Variants in SMC6 observed in about 807,000 individuals in gnomAD.
SMC6 encodes structural maintenance of chromosomes protein 6.
Under a neutral mutation model 142.2 loss-of-function variants are expected in SMC6, and 79 were observed. The observed-to-expected ratio is 0.56, with a 90% CI of 0.46 to 0.67. The LOEUF (loss-of-function observed/expected upper bound fraction) is 0.67. SMC6 is among the 30% of genes least tolerant of loss of function. SMC6 has a pLI of 0.00. For missense variants in SMC6, 1,072 were observed against 1,284.0 expected (o/e 0.83, Z 2.52); for synonymous variants, 411 against 412.4 (o/e 1.00, Z 0.04).
At chr2:17,674,202 T>C (rs1163616608) in intron 25 of SMC6, among the ~76,000 whole-genome samples, 1 of 152,198 alleles carries the variant, frequency 6.6e-6, no homozygotes, top group African/African-American at 2.4e-5. Flanking sequence ...GAGCTATAAA[T>C]TCCCTTCTGA....
chr2:17,738,315 C>T lies in SMC6; in HGVS notation c.250G>A (p.Ala84Thr). Residue 84 changes from alanine (A) to threonine (T), a missense_variant, in exon 5 of 28, where the codon GCA (alanine) becomes ACA (threonine). Ala to Thr is a moderately conservative substitution (Grantham distance 58). Coordinates refer to ENST00000448223, the MANE Select transcript of SMC6 (RefSeq NM_001142286.2). Reference sequence around the variant, plus strand: ...CCGACTATGAGAGCTGTGAGTACTGCACTCTTCCCACCTAAAGAAACAGAT... The same window carrying T: ...CCGACTATGAGAGCTGTGAGTACTGTACTCTTCCCACCTAAAGAAACAGAT... ...VVGNNGSGKS[A>T]VLTALIVGLG... 1 of 1,610,764 alleles carries T rather than the reference C, an allele frequency of 6.2e-7. No homozygotes were observed. The highest frequency in any genetic ancestry group is 8.5e-7 in the Non-Finnish European group (1 of 1,178,438).
intron 4 of SMC6, among the ~76,000 whole-genome samples, chr2:17,739,282 G>C (rs538549810): frequency 6.6e-6 from 1 of 152,212 alleles, no homozygotes; most frequent in South Asian, 2.1e-4. Flanking sequence ...GCTGAGATGG[G>C]AGGCTCATCT....
At chr2:17,739,403 G>A (rs368341288) in intron 4 of SMC6, among the ~76,000 whole-genome samples, 2 of 152,102 alleles carry the variant, frequency 1.3e-5, no homozygotes, top group Admixed American at 6.5e-5. Flanking sequence ...ACAGCACTTC[G>A]GAAGGCCAAG....
chr2:17,673,816 A>G (rs1041346832), intron 25 of SMC6, among the ~76,000 whole-genome samples: 1 of 151,086 alleles, frequency 6.6e-6, no homozygotes, highest in Non-Finnish European at 1.5e-5. Context: ...TGATCCACCC[A>G]CCTCAGCCTC....
At chr2:17,745,541 T>C (rs1198856106) in intron 3 of SMC6, among the ~76,000 whole-genome samples, 1 of 152,168 alleles carries the variant, frequency 6.6e-6, no homozygotes, top group African/African-American at 2.4e-5. Context: ...ATAGCCCTTA[T>C]TTTATTCCCG....
chr2:17,738,327 C>A lies in SMC6; in HGVS notation c.239-1G>T. The A allele has an allele frequency of 6.3e-7, 1 of 1,597,104 alleles. No homozygotes were observed. The highest frequency in any genetic ancestry group is 8.5e-7 in the Non-Finnish European group (1 of 1,171,750). On this transcript the variant is annotated splice_acceptor_variant, in intron 4 of 27. Coordinates refer to ENST00000448223, the MANE Select transcript of SMC6 (RefSeq NM_001142286.2). LOFTEE classifies it high-confidence loss of function. ...GCTGTGAGTACTGCACTCTTCCCAC[C>A]TAAAGAAACAGATGTTGAAGAAATC...
chr2:17,697,825 T>A (rs1189221566), intron 21 of SMC6, among the ~76,000 whole-genome samples: 2 of 152,108 alleles, frequency 1.3e-5, no homozygotes, highest in African/African-American at 2.4e-5. Flanking sequence ...AGCTTAGTAA[T>A]TCCATTCCTA....
intron 15 of SMC6, among the ~76,000 whole-genome samples, chr2:17,715,766 T>A (rs1206038289): frequency 6.6e-6 from 1 of 152,154 alleles, no homozygotes; most frequent in East Asian, 1.9e-4. Flanking sequence ...TTCAGTTAAC[T>A]GCTCCTTCAA....
chr2:17,675,991 A>C (rs1471811637), intron 25 of SMC6, among the ~76,000 whole-genome samples: 1 of 152,090 alleles, frequency 6.6e-6, no homozygotes, highest in Non-Finnish European at 1.5e-5. Context: ...AATTATGTTA[A>C]ACTTGCTGGT....
At chr2:17,691,259 CA>C (rs1302511853) in intron 23 of SMC6, among the ~76,000 whole-genome samples, 17 of 138,956 alleles carry the variant, frequency 1.2e-4, no homozygotes, top group Non-Finnish European at 1.9e-4. Flanking sequence ...CACACACACA[CA>C]CCAGAATACT....
At chr2:17,704,132 T>A (rs1361358662) in intron 18 of SMC6, among the ~76,000 whole-genome samples, 1 of 151,530 alleles carries the variant, frequency 6.6e-6, no homozygotes, top group Non-Finnish European at 1.5e-5. Flanking sequence ...AACTATCACA[T>A]TAAAATGTGA....
intron 21 of SMC6, 131 bp from the exon 22 acceptor site, chr2:17,696,557 G>A: frequency 2.3e-6 from 2 of 860,450 alleles, no homozygotes; most frequent in Non-Finnish European, 3.5e-6. Flanking sequence ...ATATCCATAT[G>A]TGTCTGAATA....
intron 5 of SMC6, among the ~76,000 whole-genome samples, chr2:17,734,509 T>A (rs1670052360): frequency 6.6e-6 from 1 of 151,492 alleles, no homozygotes; most frequent in South Asian, 2.1e-4. Context: ...ATGAATATTT[T>A]ATTTCATTAG....
At chr2:17,745,192 C>T (rs1295199944) in intron 3 of SMC6, among the ~76,000 whole-genome samples, 1 of 152,124 alleles carries the variant, frequency 6.6e-6, no homozygotes, top group Non-Finnish European at 1.5e-5. Flanking sequence ...GGGGGTCCCT[C>T]ATTGTCTGGT....
At chr2:17,673,563 TTTTTTTTTTTAAA>T (rs1264278729) in intron 25 of SMC6, among the ~76,000 whole-genome samples, 3 of 149,024 alleles carry the variant, frequency 2.0e-5, no homozygotes, top group African/African-American at 7.5e-5. Context: ...TAAAAAAAAA[TTTTTTTTTTTAAA>T]TTTTTTTTTT....
intron 5 of SMC6, among the ~76,000 whole-genome samples, chr2:17,735,438 C>A (rs1394195786): frequency 1.3e-5 from 2 of 152,202 alleles, no homozygotes; most frequent in Non-Finnish European, 2.9e-5. Flanking sequence ...ACTGCTCCTT[C>A]TCTGGGTCAC....
intron 8 of SMC6, 30 bp downstream of exon 8, chr2:17,726,359 T>G: frequency 1.3e-6 from 2 of 1,538,462 alleles, no homozygotes; most frequent in Non-Finnish European, 1.8e-6. Context: ...TCTTTTTAAA[T>G]GGGTTTATAT....
At chr2:17,737,159 T>C (rs1007708364) in intron 5 of SMC6, among the ~76,000 whole-genome samples, 19 of 152,134 alleles carry the variant, frequency 1.2e-4, no homozygotes, top group African/African-American at 4.6e-4. Context: ...TTCTCCTTTT[T>C]TTTGAGTCAA....
chr2:17,745,051 G>A (rs1024045036), intron 3 of SMC6, among the ~76,000 whole-genome samples: 2 of 152,120 alleles, frequency 1.3e-5, no homozygotes, highest in Admixed American at 6.6e-5. Context: ...GGTCTGAAGC[G>A]GAGTCCTGTG....
Sources: allele counts gnomAD v4.1 joint callset (sites outside exome capture counted in the v4.1 genomes callset), GRCh38; gene constraint gnomAD v4.1.1; transcripts MANE v1.5; gene names NCBI Gene and HGNC (gene_info 2026-07-23, HGNC 2026-07-21).